The following ATP2B2 variants were observed in gnomAD, a reference collection of about 807,000 sequenced individuals.
The protein encoded by ATP2B2 is plasma membrane calcium-transporting ATPase 2.
A neutral mutation model predicts 120.0 loss-of-function variants in ATP2B2; 15 were observed. The ratio of observed to expected loss-of-function variants is 0.12; its 90% CI spans 0.08 to 0.19. The LOEUF (loss-of-function observed/expected upper bound fraction) is 0.19. Ranked by LOEUF, ATP2B2 falls within the 10% of genes least tolerant of loss-of-function variation. ATP2B2 has a pLI of 1.00. For missense variants in ATP2B2, 1,045 were observed against 1,719.8 expected, an observed-to-expected ratio of 0.61 and a Z score of 6.94; for synonymous variants, 694 against 700.3, an observed-to-expected ratio of 0.99 and a Z score of 0.14.
At chr3:10,337,753 C>A (rs2060161692) in intron 22 of ATP2B2, among the ~76,000 whole-genome samples, 2 of 152,074 alleles carry the variant, frequency 1.3e-5, no homozygotes, top group Non-Finnish European at 2.9e-5. Context: ...GACCCCCTGA[C>A]CACCACGCCC....
chr3:10,377,941 G>C (rs1258888133), intron 10 of ATP2B2, among the ~76,000 whole-genome samples: 2 of 152,184 alleles, frequency 1.3e-5, no homozygotes, highest in Non-Finnish European at 2.9e-5. Flanking sequence ...TTACAGATGA[G>C]GATACAGAGG....
chr3:10,564,886 G>T lies in ATP2B2; in HGVS notation c.-414-30753C>A, dbSNP rs149700136. Among the ~76,000 whole-genome samples the T allele has an allele frequency of 8.5e-5, 13 of 152,312 alleles. No individual in the cohort carries two copies. In the East Asian group the frequency reaches 2.1e-3, roughly 25 times the overall value. ...ACTCTCCTACTCTCCCAGAGTAATT[G>T]AGAGTTGTCTGGGTACACGGCTGCT... is the stretch of plus-strand genomic sequence containing the variant. On this transcript the variant is annotated intron_variant, in intron 2 of 21. Transcript: ENST00000646379.
At chr3:10,507,462 C>T (rs1559428022), upstream of ATP2B2, among the ~76,000 whole-genome samples, 1 of 152,174 alleles carries the variant, frequency 6.6e-6, no homozygotes, top group Admixed American at 6.5e-5. Context: ...CACAGGCTCT[C>T]CGTTCCCCAA....
Position 10,372,022 on chromosome 3 carries a change from G to A in ATP2B2, c.1446C>T (p.Arg482=). The stretch of plus-strand genomic sequence containing the variant: ...CCATGGTCTCACAGGCATCCAGGTG[G>A]CGTACCAGGTTGTTGTCCTTCATCA... The part of the protein sequence containing the change: ...KKMMKDNNLV[R]HLDACETMGN... Residue 482 remains arginine, a synonymous_variant, in exon 12 of 23, where the codon CGC becomes CGT. Coordinates refer to ENST00000360273, the MANE Select transcript of ATP2B2 (RefSeq NM_001001331.4). The A allele has an allele frequency of 6.2e-7, 1 of 1,614,234 alleles. No homozygotes were observed. Among genetic ancestry groups the A allele is most frequent in the Non-Finnish European group, 8.5e-7 (1 of 1,180,052 alleles).
chr3:10,504,299 T>C (rs1315338663), intron 1 of ATP2B2, among the ~76,000 whole-genome samples: 1 of 152,058 alleles, frequency 6.6e-6, no homozygotes, highest in Non-Finnish European at 1.5e-5. Flanking sequence ...AAGGAGAATT[T>C]CTCCGGATGG....
At chr3:10,477,850 C>T (rs769960993) in intron 1 of ATP2B2, among the ~76,000 whole-genome samples, 13 of 152,208 alleles carry the variant, frequency 8.5e-5, no homozygotes, top group Non-Finnish European at 1.8e-4. Flanking sequence ...CTGTTATGAG[C>T]ATGGGTGAAC....
chr3:10,506,775 G>A (rs1281710785), upstream of ATP2B2, among the ~76,000 whole-genome samples: 2 of 152,186 alleles, frequency 1.3e-5, no homozygotes, highest in African/African-American at 4.8e-5. Context: ...GCCCCGGGAG[G>A]CAGTTCCAGG....
Position 10,366,665 on chromosome 3 carries a change from C to T in ATP2B2, c.1659+5144G>A, listed in dbSNP as rs3774172. Among the ~76,000 whole-genome samples the T allele has an allele frequency of 8.7e-4, 132 of 152,290 alleles. 3 individuals carry two copies. The East Asian group carries it at 0.023, about 26-fold the overall frequency. On this transcript the variant is annotated intron_variant, in intron 12 of 22. Coordinates refer to ENST00000360273, the MANE Select transcript of ATP2B2 (RefSeq NM_001001331.4). ...GGGTGGTTCCAGTACACAGAACAGA[C>T]ATGGGCAGAACAGGGGGATGTTTTC... is the stretch of plus-strand genomic sequence containing the variant.
At chr3:10,694,498 T>C (rs747858766) in intron 1 of ATP2B2, among the ~76,000 whole-genome samples, 4 of 152,248 alleles carry the variant, frequency 2.6e-5, no homozygotes, top group Non-Finnish European at 4.4e-5. Context: ...TGTTCCTTCT[T>C]ATTGCTGAGT....
Position 10,402,373 on chromosome 3 carries a change from A to T in ATP2B2, c.398-25T>A. ...CCTGAAAGACCAGATAGAAGCAGGCAGAGTGAGGTCAACCAGACAGGAGAG... is the reference window on the plus strand; with the variant it reads ...CCTGAAAGACCAGATAGAAGCAGGCTGAGTGAGGTCAACCAGACAGGAGAG... On this transcript the variant is annotated intron_variant, in intron 3 of 22. Transcript: ENST00000360273. The surrounding 1 kb of genome is among the most constrained non-coding windows in gnomAD (Gnocchi z 4.9). 6.2e-7 allele frequency: 1 copy of T among 1,611,094 alleles called. No homozygotes were observed.
In ATP2B2 at chr3:10,340,732, T is replaced by C. The variant is rs1414827227; in HGVS notation, c.2918-28A>G. On this transcript the variant is annotated intron_variant, in intron 19 of 22. Transcript: ENST00000360273. The surrounding 1 kb of genome is among the most constrained non-coding windows in gnomAD (Gnocchi z 5.0). ...GCCAAGTGAGAGAGTGGGGCTGGGC[T>C]GAAGGCAGTGGTGGGGGAATCAGAG... 6.2e-7 allele frequency: 1 copy of C among 1,612,428 alleles called. No homozygotes were observed. Among genetic ancestry groups the C allele is most frequent in the Admixed American group, 1.7e-5 (1 of 59,966 alleles).
intron 1 of ATP2B2, among the ~76,000 whole-genome samples, chr3:10,698,770 T>A (rs150795403): frequency 2.2e-4 from 33 of 152,312 alleles, no homozygotes; most frequent in African/African-American, 7.7e-4. Context: ...GAAGCCCACA[T>A]ACTATAATTG....
chr3:10,333,869 C>T (rs1481073827), intron 22 of ATP2B2, among the ~76,000 whole-genome samples: 3 of 152,220 alleles, frequency 2.0e-5, no homozygotes, highest in Non-Finnish European at 2.9e-5. Context: ...GCTTCTTTTC[C>T]AAGACTGTTC....
intron 3 of ATP2B2, among the ~76,000 whole-genome samples, chr3:10,525,983 T>C (rs1433160109): frequency 6.6e-6 from 1 of 152,222 alleles, no homozygotes; most frequent in Non-Finnish European, 1.5e-5. Context: ...AAAGTGGGTA[T>C]AATAATTTTC....
intron 18 of ATP2B2, among the ~76,000 whole-genome samples, chr3:10,344,797 T>C (rs893446273): frequency 6.6e-6 from 1 of 152,192 alleles, no homozygotes; most frequent in Admixed American, 6.5e-5. Context: ...TGCAGACATC[T>C]GGGGCCTGCC....
intron 1 of ATP2B2, among the ~76,000 whole-genome samples, chr3:10,473,458 C>T (rs765838870): frequency 2.6e-5 from 4 of 152,094 alleles, no homozygotes; most frequent in African/African-American, 7.2e-5. Context: ...ATGGTGAAAC[C>T]CTGTCTCTAT....
At chr3:10,524,178 G>A (rs1209462125) in intron 3 of ATP2B2, among the ~76,000 whole-genome samples, 1 of 152,136 alleles carries the variant, frequency 6.6e-6, no homozygotes, top group Non-Finnish European at 1.5e-5. Flanking sequence ...AGGTAAGTGA[G>A]TCTGTGACGC....
At position 10,468,990 on chromosome 3, in the gene ATP2B2, C is replaced by T. The variant is rs116683572; in HGVS notation, c.-319-19128G>A. Among the ~76,000 whole-genome samples the T allele has an allele frequency of 7.9e-3, 1,198 of 152,050 alleles. 7 individuals carry two copies. Among genetic ancestry groups the T allele is most frequent in the Middle Eastern group, 0.041 (12 of 292 alleles). On this transcript the variant is annotated intron_variant, in intron 1 of 22. Transcript: ENST00000360273. ...AGCTATAAAAGGTGTTCAAAGCTAA[C>T]GTCTCCACACGAGCTGAGTAATGAA...
chr3:10,494,588 T>G (rs1392774191), intron 1 of ATP2B2, among the ~76,000 whole-genome samples: 5 of 152,202 alleles, frequency 3.3e-5, no homozygotes, highest in Admixed American at 2.0e-4. Context: ...TGCCCTTGGC[T>G]GCCCTCTGAG....
Sources: gnomAD v4.1 joint callset for allele counts (sites outside exome capture counted in the v4.1 genomes callset) on GRCh38, gnomAD v4.1.1 for gene constraint, Gnocchi (gnomAD v3.1) non-coding constraint, MANE v1.5 for transcripts, NCBI Gene and HGNC (gene_info 2026-07-23, HGNC 2026-07-21) for gene names.